Variants in CIT observed in about 807,000 individuals in gnomAD.
CIT encodes the protein citron rho-interacting serine/threonine kinase.
A neutral mutation model predicts 272.7 loss-of-function variants in CIT; 79 were observed. That is an observed-to-expected ratio of 0.29 (90% CI 0.24 to 0.35). CIT has a LOEUF of 0.35. Ranked by LOEUF, CIT falls within the 10% of genes least tolerant of loss-of-function variation. The pLI is 1.00. For synonymous variants in CIT, 948 were observed against 995.6 expected (o/e 0.95, Z 0.90); for missense variants, 1,909 against 2,618.3 (o/e 0.73, Z 5.91).
At chr12:119,781,243 G>A (rs1964260064) in intron 13 of CIT, among the ~76,000 whole-genome samples, 1 of 152,170 alleles carries the variant, frequency 6.6e-6, no homozygotes, top group Non-Finnish European at 1.5e-5. Context: ...CCTTTACAGG[G>A]TTTCCGTCCT....
intron 7 of CIT, among the ~76,000 whole-genome samples, chr12:119,827,513 C>G (rs1968269587): frequency 6.6e-6 from 1 of 151,894 alleles, no homozygotes. Context: ...TCTCAGCTCA[C>G]TGCAACCTCC....
Position 119,718,470 on chromosome 12 carries a change from G to T in CIT, c.4004-61C>A. The T allele has an allele frequency of 6.5e-7, 1 of 1,547,448 alleles. No homozygotes were observed. The highest frequency in any genetic ancestry group is 8.8e-7 in the Non-Finnish European group (1 of 1,142,704). On this transcript the variant is annotated intron_variant, in intron 31 of 47. Coordinates refer to ENST00000392521, the MANE Select transcript of CIT (RefSeq NM_001206999.2). The surrounding 1 kb of genome is among the most constrained non-coding windows in gnomAD (Gnocchi z 4.8). ...TGGGTCGCCTAGAGGACCAAACTAAGCCGAATGTCCCTGGGCTATCTTTCA... is the reference window on the plus strand; with the variant it reads ...TGGGTCGCCTAGAGGACCAAACTAATCCGAATGTCCCTGGGCTATCTTTCA...
intron 20 of CIT, 55 bp downstream of exon 20, chr12:119,760,884 G>T: frequency 9.1e-7 from 1 of 1,095,064 alleles, no homozygotes; most frequent in Non-Finnish European, 1.4e-6. Flanking sequence ...GGTGATTCTT[G>T]GCATATTTCA....
intron 39 of CIT, among the ~76,000 whole-genome samples, chr12:119,709,768 G>GAGAGAA (rs1345316376): frequency 1.6e-3 from 80 of 51,260 alleles, no homozygotes; most frequent in African/African-American, 5.8e-3. Flanking sequence ...AGGAAAGAGA[G>GAGAGAA]AGAGAGAGAG....
chr12:119,850,372 CT>C, intron 4 of CIT, 97 bp from the exon 5 acceptor site: 4 of 233,320 alleles, frequency 1.7e-5, no homozygotes, highest in East Asian at 1.2e-4. Flanking sequence ...ATGTTTCTAG[CT>C]TTAAAAAAAA....
intron 7 of CIT, 25 bp downstream of exon 7, chr12:119,832,746 T>C: frequency 6.4e-7 from 1 of 1,571,944 alleles, no homozygotes; most frequent in Non-Finnish European, 8.8e-7. Flanking sequence ...TAAACTCTAT[T>C]AAGCTATCTT....
At chr12:119,758,292 C>A (rs1457636875) in intron 21 of CIT, among the ~76,000 whole-genome samples, 1 of 152,158 alleles carries the variant, frequency 6.6e-6, no homozygotes, top group Non-Finnish European at 1.5e-5. Context: ...TTACAGGATG[C>A]AAGTCTAGGG....
At chr12:119,754,778 T>C (rs1192563783) in intron 22 of CIT, among the ~76,000 whole-genome samples, 1 of 152,228 alleles carries the variant, frequency 6.6e-6, no homozygotes, top group East Asian at 1.9e-4. Flanking sequence ...CGTGAAACGT[T>C]TGAAGTTTCT....
chr12:119,815,609 G>C (rs1228794172), intron 9 of CIT, among the ~76,000 whole-genome samples: 1 of 152,066 alleles, frequency 6.6e-6, no homozygotes, highest in Non-Finnish European at 1.5e-5. Flanking sequence ...GGGAGGCTGA[G>C]GCAAGAGAAT....
chr12:119,757,617 T>A, intron 21 of CIT, 72 bp from the exon 22 acceptor site: 1 of 1,578,370 alleles, frequency 6.3e-7, no homozygotes, highest in Non-Finnish European at 8.7e-7. Flanking sequence ...CCACGGGAGG[T>A]AGACGGACAC....
At chr12:119,844,866 A>G (rs1969680105) in intron 5 of CIT, among the ~76,000 whole-genome samples, 1 of 152,176 alleles carries the variant, frequency 6.6e-6, no homozygotes, top group South Asian at 2.1e-4. Flanking sequence ...CACGCCTGTA[A>G]TCCCAGCACT....
At chr12:119,853,455 T>C (rs1048662224) in intron 4 of CIT, among the ~76,000 whole-genome samples, 13 of 152,310 alleles carry the variant, frequency 8.5e-5, no homozygotes, top group African/African-American at 3.1e-4. Flanking sequence ...TTGTTTTGTT[T>C]TGTTTTAGAG....
At chr12:119,722,114 C>T (rs766543369) in intron 28 of CIT, among the ~76,000 whole-genome samples, 2 of 152,118 alleles carry the variant, frequency 1.3e-5, no homozygotes, top group East Asian at 1.9e-4. Context: ...CTGCAAATCT[C>T]GCTCCAATTT....
At chr12:119,706,089 C>CAAAA (rs776220898) in intron 40 of CIT, among the ~76,000 whole-genome samples, 80 of 98,634 alleles carry the variant, frequency 8.1e-4, no homozygotes, top group African/African-American at 2.5e-3. Context: ...GACTCTGTGT[C>CAAAA]AAAAAAAAAA....
At chr12:119,803,988 C>CTT (rs112424246) in intron 9 of CIT, 4,121 of 181,496 alleles carry the variant, frequency 0.023, 51 homozygotes, top group African/African-American at 0.045. Context: ...TTATTAACCA[C>CTT]TTTTTTTTTT....
chr12:119,796,734 G>T (rs765430942), intron 10 of CIT, among the ~76,000 whole-genome samples: 2 of 152,182 alleles, frequency 1.3e-5, no homozygotes, highest in African/African-American at 2.4e-5. Flanking sequence ...AAAGATAACT[G>T]AGGATGGAAC....
At chr12:119,795,377 A>T (rs1431480850) in intron 10 of CIT, among the ~76,000 whole-genome samples, 1 of 152,082 alleles carries the variant, frequency 6.6e-6, no homozygotes, top group Admixed American at 6.5e-5. Context: ...ACAGAATGAG[A>T]CTCTGTCTCA....
rs7979697 is a variant in CIT, at chr12:119,824,891, C to T, written c.957+274G>A. 0.16 allele frequency among the ~76,000 whole-genome samples: 25,029 copies of T among 152,134 alleles called. 2,403 individuals are homozygous for T. The highest frequency in any genetic ancestry group is 0.46 in the East Asian group (2,370 of 5,150). ...TTGGCTCACTGTAAGCTCCGCCTCC[C>T]GGGTTCATGCCATTCTCCTGCCTCA... On this transcript the variant is annotated intron_variant, in intron 8 of 47. Coordinates refer to ENST00000392521, the MANE Select transcript of CIT (RefSeq NM_001206999.2).
At chr12:119,709,375 G>C (rs535159052) in intron 39 of CIT, among the ~76,000 whole-genome samples, 2 of 152,048 alleles carry the variant, frequency 1.3e-5, no homozygotes, top group South Asian at 4.2e-4. Context: ...TGTTGGTAGT[G>C]GGGGAGGCTA....
Sources: gnomAD v4.1 joint callset for allele counts (sites outside exome capture counted in the v4.1 genomes callset) on GRCh38, gnomAD v4.1.1 for gene constraint, Gnocchi (gnomAD v3.1) non-coding constraint, MANE v1.5 for transcripts, NCBI Gene and HGNC (gene_info 2026-07-23, HGNC 2026-07-21) for gene names.